Variants in MAF observed in about 807,000 individuals in gnomAD.
MAF encodes MAF bZIP transcription factor.
In MAF, 10 loss-of-function variants were observed where a neutral mutation model predicts 22.0. That is an observed-to-expected ratio of 0.45 (90% CI 0.28 to 0.77). MAF has a LOEUF of 0.77. MAF is among the 30% of genes least tolerant of loss of function. The probability of loss-of-function intolerance (pLI) is 0.12; values close to 1 mark genes in which losing one functional copy is unlikely to be tolerated. For missense variants in MAF, 544 were observed against 548.4 expected (o/e 0.99, Z 0.08); for synonymous variants, 337 against 255.8 (o/e 1.32, Z -3.03).
At chr16:79,307,091 T>A in the MAF span, among the ~76,000 whole-genome samples, 1 of 152,196 alleles carries the variant, frequency 6.6e-6, no homozygotes, top group African/African-American at 2.4e-5. Context: ...AACCTGACCT[T>A]CTTTTTCCAC....
chr16:79,260,221 G>C, the MAF span, among the ~76,000 whole-genome samples: 1 of 152,290 alleles, frequency 6.6e-6, no homozygotes, highest in Non-Finnish European at 1.5e-5. Context: ...TGCAGTCGTG[G>C]CTTACTGAAG....
chr16:79,367,712 G>A, the MAF span, among the ~76,000 whole-genome samples: 1 of 152,044 alleles, frequency 6.6e-6, no homozygotes, highest in African/African-American at 2.4e-5. Flanking sequence ...CTTAATTCTA[G>A]TTAATTTAAA....
chr16:79,493,720 C>T, the MAF span, among the ~76,000 whole-genome samples: 2 of 152,226 alleles, frequency 1.3e-5, no homozygotes, highest in Non-Finnish European at 2.9e-5. Flanking sequence ...TGACAGCCAC[C>T]TCAGCTTGCA....
At chr16:79,584,628 T>G (rs1912730203), downstream of MAF, among the ~76,000 whole-genome samples, 1 of 152,168 alleles carries the variant, frequency 6.6e-6, no homozygotes, top group Non-Finnish European at 1.5e-5. Flanking sequence ...ATCATCATAT[T>G]TAATAGGAGG....
At chr16:79,391,580 G>A in the MAF span, among the ~76,000 whole-genome samples, 1 of 152,152 alleles carries the variant, frequency 6.6e-6, no homozygotes, top group Non-Finnish European at 1.5e-5. Context: ...GTTAGACCAC[G>A]AAGAGAAGTA....
the MAF span, among the ~76,000 whole-genome samples, chr16:79,300,352 C>A: frequency 6.6e-6 from 1 of 152,042 alleles, no homozygotes; most frequent in African/African-American, 2.4e-5. Context: ...GTCAGGAGTT[C>A]GAGACCAGCC....
the MAF span, among the ~76,000 whole-genome samples, chr16:79,562,451 G>GTCA: frequency 5.3e-5 from 8 of 152,170 alleles, no homozygotes; most frequent in African/African-American, 1.9e-4. Context: ...ACCTATAGGA[G>GTCA]TCAGAGATAT....
the MAF span, among the ~76,000 whole-genome samples, chr16:79,553,997 G>A: frequency 1.3e-5 from 2 of 152,168 alleles, no homozygotes; most frequent in Non-Finnish European, 2.9e-5. Flanking sequence ...GCTGAGGCAG[G>A]AGAATTGCTT....
the MAF span, chr16:79,515,848 T>C: frequency 6.6e-6 from 1 of 151,866 alleles, no homozygotes; most frequent in African/African-American, 2.4e-5. Context: ...CACAGAAACA[T>C]AGGTTGAGAT....
the MAF span, among the ~76,000 whole-genome samples, chr16:79,247,231 G>C: frequency 3.3e-5 from 5 of 152,164 alleles, no homozygotes; most frequent in Admixed American, 6.5e-5. Flanking sequence ...AGCCTGGCCT[G>C]GTTCAAGATT....
chr16:79,588,605 G>T (rs1913002435), intron 1 of MAF, among the ~76,000 whole-genome samples: 1 of 151,888 alleles, frequency 6.6e-6, no homozygotes, highest in Non-Finnish European at 1.5e-5. Flanking sequence ...GGGATTACAG[G>T]CACGTGCCCC....
the MAF span, among the ~76,000 whole-genome samples, chr16:79,246,112 C>T: frequency 6.6e-6 from 1 of 152,052 alleles, no homozygotes; most frequent in South Asian, 2.1e-4. Flanking sequence ...ATGTAGATGA[C>T]GGGTTGATGG....
chr16:79,395,476 G>C, the MAF span, among the ~76,000 whole-genome samples: 1 of 152,290 alleles, frequency 6.6e-6, no homozygotes, highest in Non-Finnish European at 1.5e-5. Context: ...CATAATGGAG[G>C]AGGGTGGGTC....
chr16:79,471,564 G>A, the MAF span, among the ~76,000 whole-genome samples: 6 of 152,146 alleles, frequency 3.9e-5, no homozygotes, highest in African/African-American at 1.4e-4. Context: ...GTAGTTCCAG[G>A]TGCTAGGGCG....
the MAF span, among the ~76,000 whole-genome samples, chr16:79,306,883 G>A: frequency 6.6e-6 from 1 of 152,166 alleles, no homozygotes; most frequent in South Asian, 2.1e-4. Context: ...AACAGTAGCT[G>A]CATTACAGGG....
At chr16:79,373,469 A>G in the MAF span, among the ~76,000 whole-genome samples, 3 of 135,794 alleles carry the variant, frequency 2.2e-5, no homozygotes, top group African/African-American at 5.5e-5. Flanking sequence ...TGCAACCTCC[A>G]TCTCCTGGGT....
At chr16:79,553,841 C>G in the MAF span, among the ~76,000 whole-genome samples, 3 of 152,156 alleles carry the variant, frequency 2.0e-5, no homozygotes, top group African/African-American at 7.2e-5. Flanking sequence ...GTAATCCCAG[C>G]ACTTTGGGAG....
the MAF span, among the ~76,000 whole-genome samples, chr16:79,481,051 C>G: frequency 6.6e-6 from 1 of 152,114 alleles, no homozygotes; most frequent in Non-Finnish European, 1.5e-5. Flanking sequence ...TATGTTTATT[C>G]ACTTAGTATC....
the MAF span, chr16:79,212,038 C>CTGTT: frequency 1.8e-4 from 281 of 1,536,244 alleles, 1 homozygote; most frequent in Middle Eastern, 8.3e-4. Flanking sequence ...TGGTGGTGGC[C>CTGTT]TGTTTGAAAG....
Sources: gnomAD v4.1 joint callset for allele counts (sites outside exome capture counted in the v4.1 genomes callset) on GRCh38, gnomAD v4.1.1 for gene constraint, MANE v1.5 for transcripts, NCBI Gene and HGNC (gene_info 2026-07-23, HGNC 2026-07-21) for gene names.